PCDH9: variants seen among roughly 807,000 people sequenced by gnomAD.
The protein encoded by PCDH9 is protocadherin-9.
A neutral mutation model predicts 70.6 loss-of-function variants in PCDH9; 24 were observed. The ratio of observed to expected loss-of-function variants is 0.34; its 90% CI spans 0.25 to 0.48. The LOEUF (loss-of-function observed/expected upper bound fraction) is 0.48, where lower values mean the gene tolerates loss of function less well. PCDH9 is among the 20% of genes least tolerant of loss of function. PCDH9 has a pLI of 0.99. For missense variants in PCDH9, 1,281 were observed against 1,503.6 expected (o/e 0.85, Z 2.45); for synonymous variants, 562 against 558.5 (o/e 1.01, Z -0.09).
intron 4 of PCDH9, among the ~76,000 whole-genome samples, chr13:66,350,432 C>A (rs572136635): frequency 6.6e-6 from 1 of 152,302 alleles, no homozygotes; most frequent in East Asian, 1.9e-4. Context: ...CACTCCTTCT[C>A]ACATGTCTTA....
At chr13:66,575,341 T>C (rs890805534) in intron 4 of PCDH9, among the ~76,000 whole-genome samples, 1 of 152,114 alleles carries the variant, frequency 6.6e-6, no homozygotes, top group African/African-American at 2.4e-5. Context: ...CTTCAGTAAA[T>C]AGCACCATAA....
At chr13:67,182,210 C>G (rs2088634763) in intron 2 of PCDH9, among the ~76,000 whole-genome samples, 1 of 152,190 alleles carries the variant, frequency 6.6e-6, no homozygotes, top group Non-Finnish European at 1.5e-5. Flanking sequence ...GCCTAGTAGA[C>G]ATTTTAATCA....
At chr13:66,334,453 T>A (rs894175156) in intron 4 of PCDH9, among the ~76,000 whole-genome samples, 1 of 151,946 alleles carries the variant, frequency 6.6e-6, no homozygotes, top group African/African-American at 2.4e-5. Context: ...CAGGTTGAAG[T>A]TTTTTAAGAG....
chr13:66,983,428 A>G (rs1339839634), intron 2 of PCDH9, among the ~76,000 whole-genome samples: 2 of 152,154 alleles, frequency 1.3e-5, no homozygotes, highest in African/African-American at 4.8e-5. Flanking sequence ...TTCATTTCCA[A>G]TTCATGAAAA....
intron 2 of PCDH9, among the ~76,000 whole-genome samples, chr13:67,130,536 A>G (rs1168758754): frequency 6.6e-6 from 1 of 152,116 alleles, no homozygotes; most frequent in African/African-American, 2.4e-5. Context: ...GGTTCGGGCC[A>G]TGAGAAACAC....
intron 2 of PCDH9, among the ~76,000 whole-genome samples, chr13:67,040,127 C>T (rs2085083407): frequency 6.6e-6 from 1 of 152,116 alleles, no homozygotes. Flanking sequence ...ATATTAAAAA[C>T]TCAGAATTGG....
At chr13:67,160,057 T>G (rs1387698701) in intron 2 of PCDH9, among the ~76,000 whole-genome samples, 4 of 152,178 alleles carry the variant, frequency 2.6e-5, no homozygotes, top group Non-Finnish European at 5.9e-5. Flanking sequence ...CCTCCTCAGA[T>G]GAGCATCTCT....
intron 2 of PCDH9, among the ~76,000 whole-genome samples, chr13:67,000,839 AG>A (rs1203336284): frequency 6.6e-6 from 1 of 152,192 alleles, no homozygotes; most frequent in African/African-American, 2.4e-5. Flanking sequence ...TGTAAAGCTA[AG>A]AGACAAATAG....
chr13:66,368,834 A>C (rs1405811643), intron 4 of PCDH9, among the ~76,000 whole-genome samples: 2 of 152,164 alleles, frequency 1.3e-5, no homozygotes, highest in Admixed American at 6.6e-5. Flanking sequence ...GGCAGCAGGC[A>C]AAGAGAGAGA....
chr13:66,391,170 CCT>C (rs1378992284), intron 4 of PCDH9, among the ~76,000 whole-genome samples: 2 of 152,108 alleles, frequency 1.3e-5, no homozygotes, highest in Non-Finnish European at 2.9e-5. Flanking sequence ...TAAACTGCCT[CCT>C]GTAAAATGAT....
At chr13:66,395,705 C>A (rs1459120426) in intron 4 of PCDH9, among the ~76,000 whole-genome samples, 3 of 152,120 alleles carry the variant, frequency 2.0e-5, no homozygotes, top group African/African-American at 7.2e-5. Context: ...TTTGTGTCAG[C>A]AAAATACTCT....
chr13:67,058,738 G>A (rs1389922943), intron 2 of PCDH9, among the ~76,000 whole-genome samples: 3 of 152,070 alleles, frequency 2.0e-5, no homozygotes, highest in African/African-American at 7.2e-5. Context: ...GTACTCATAC[G>A]TTAGCACATC....
intron 4 of PCDH9, among the ~76,000 whole-genome samples, chr13:66,494,576 T>C (rs1959083530): frequency 6.6e-6 from 1 of 152,150 alleles, no homozygotes; most frequent in Admixed American, 6.6e-5. Flanking sequence ...TCTCTCTGTC[T>C]CTCACTCTCT....
chr13:66,691,016 A>G (rs1262574317), intron 3 of PCDH9, among the ~76,000 whole-genome samples: 2 of 152,070 alleles, frequency 1.3e-5, no homozygotes, highest in East Asian at 3.9e-4. Context: ...AAATCATTTT[A>G]TTTTGTAAAT....
intron 4 of PCDH9, among the ~76,000 whole-genome samples, chr13:66,427,016 A>T (rs981586827): frequency 6.6e-6 from 1 of 151,660 alleles, no homozygotes; most frequent in Non-Finnish European, 1.5e-5. Flanking sequence ...AACACATAGC[A>T]AAACAAAAAA....
intron 3 of PCDH9, among the ~76,000 whole-genome samples, chr13:66,798,100 T>G (rs1393410724): frequency 6.6e-6 from 1 of 152,052 alleles, no homozygotes; most frequent in East Asian, 1.9e-4. Flanking sequence ...AAAGTCATCC[T>G]TGGGAGTTCA....
intron 3 of PCDH9, among the ~76,000 whole-genome samples, chr13:66,799,346 A>G (rs2080292734): frequency 6.6e-6 from 1 of 152,138 alleles, no homozygotes; most frequent in Non-Finnish European, 1.5e-5. Context: ...CACACACATC[A>G]TGCCAATGAC....
chr13:66,382,416 A>C (rs2138245575), intron 4 of PCDH9, among the ~76,000 whole-genome samples: 1 of 151,710 alleles, frequency 6.6e-6, no homozygotes, highest in South Asian at 2.1e-4. Flanking sequence ...ATAGCTGCTA[A>C]GTTGAGTGAA....
intron 4 of PCDH9, among the ~76,000 whole-genome samples, chr13:66,586,379 T>C (rs1331533121): frequency 1.3e-5 from 2 of 152,156 alleles, no homozygotes; most frequent in African/African-American, 4.8e-5. Flanking sequence ...CAAGCAATGG[T>C]TTTTTGAAGA....
Sources: gnomAD v4.1 joint callset for allele counts (sites outside exome capture counted in the v4.1 genomes callset) on GRCh38, gnomAD v4.1.1 for gene constraint, MANE v1.5 for transcripts, NCBI Gene and HGNC (gene_info 2026-07-23, HGNC 2026-07-21) for gene names.